ITGB1BP1: variants seen among roughly 807,000 people sequenced by gnomAD.
ITGB1BP1 encodes the protein integrin subunit beta 1 binding protein 1, also known as integrin beta-1-binding protein 1.
Under a neutral mutation model 28.0 loss-of-function variants are expected in ITGB1BP1, and 20 were observed. That is an observed-to-expected ratio of 0.71 (90% CI 0.50 to 1.04). The LOEUF (loss-of-function observed/expected upper bound fraction) is 1.04, where lower values mean the gene tolerates loss of function less well. Ranked by LOEUF, ITGB1BP1 falls within the 50% of genes least tolerant of loss-of-function variation. ITGB1BP1 has a pLI of 0.00. For missense variants in ITGB1BP1, 228 were observed against 242.5 expected (o/e 0.94, Z 0.40); for synonymous variants, 103 against 89.5 (o/e 1.15, Z -0.85).
rs1679037770 is a variant in ITGB1BP1 at position 9,415,675 on chromosome 2, T to C, written c.73-1419A>G. Among the ~76,000 whole-genome samples the C allele has an allele frequency of 6.6e-6, 1 of 152,188 alleles. No homozygotes were observed. Among genetic ancestry groups the C allele is most frequent in the East Asian group, 1.9e-4 (1 of 5,200 alleles). ...GCTGAGGAAGTGGCAGTAGGGAGGT[T>C]CTGTGTTGAGCAGCTCCAGGAGTTC... On this transcript the variant is annotated intron_variant, in intron 2 of 6. Coordinates refer to ENST00000355346, the MANE Select transcript of ITGB1BP1 (RefSeq NM_004763.5). This position sits in a 1 kb window ranked among gnomAD's most constrained non-coding sequence, Gnocchi z 4.1.
In ITGB1BP1 at chr2:9,414,732, T is replaced by C. The variant is rs1464997688; in HGVS notation, c.73-476A>G. On this transcript the variant is annotated intron_variant, in intron 2 of 6. Transcript: ENST00000355346. ...GGTCACATCTAGTAAATGGCTCCAA[T>C]CTCAAACCTAGGTCTCTAATTCTAG... is the stretch of plus-strand genomic sequence containing the variant. Among the ~76,000 whole-genome samples, 4 of 152,288 alleles carry C rather than the reference T, an allele frequency of 2.6e-5. No homozygotes were observed. The East Asian group carries it at 7.7e-4, about 29-fold the overall frequency.
intron 4 of ITGB1BP1, among the ~76,000 whole-genome samples, chr2:9,408,634 G>C (rs1464433515): frequency 3.9e-5 from 6 of 151,970 alleles, no homozygotes; most frequent in Non-Finnish European, 7.4e-5. Context: ...GCCACCATGT[G>C]GGCCAATTTA....
At chr2:9,408,943 T>C (rs1446439950) in intron 4 of ITGB1BP1, among the ~76,000 whole-genome samples, 1 of 152,242 alleles carries the variant, frequency 6.6e-6, no homozygotes. Flanking sequence ...TTCCACAGCA[T>C]AGACCAGTGT....
rs1677301193 is a variant in ITGB1BP1 at position 9,406,113 on chromosome 2, TCTCGTCTTCCTCAGGCCTTCA to T, written c.*700_*720del. ...TGTCACTGAGTGGACCTCTGTGACA[TCTCGTCTTCCTCAGGCCTTCA>T]GTGTGTGTTTGTCACTGAGTGGACC... On this transcript the variant is annotated 3_prime_UTR_variant, in exon 7 of 7. Coordinates refer to ENST00000355346, the MANE Select transcript of ITGB1BP1 (RefSeq NM_004763.5). 1.9e-4 allele frequency: 13 copies of T among 69,772 alleles called. No homozygotes were observed. The highest frequency in any genetic ancestry group is 6.9e-4 in the African/African-American group (11 of 15,862). 4.3% of individuals were successfully genotyped at this position (69,772 alleles called of 1,614,324 possible).
At position 9,406,566 on chromosome 2, in the gene ITGB1BP1, G is replaced by A. The variant is rs4074976; in HGVS notation, c.*268C>T. 23 of 398,222 alleles carry A rather than the reference G, an allele frequency of 5.8e-5. No homozygotes were observed. The East Asian group carries it at 9.9e-4, about 17-fold the overall frequency. 24.7% of individuals were successfully genotyped at this position (398,222 alleles called of 1,614,324 possible). ...CTGAGTGGACCTCTGTGACACCTAG[G>A]CTTCTGTGACACTTAGGTTAAGCTT... On this transcript the variant is annotated 3_prime_UTR_variant, in exon 7 of 7. Coordinates refer to ENST00000355346, the MANE Select transcript of ITGB1BP1 (RefSeq NM_004763.5).
chr2:9,407,365 G>T, intron 6 of ITGB1BP1, 84 bp downstream of exon 6: 1 of 1,441,328 alleles, frequency 6.9e-7, no homozygotes, highest in Non-Finnish European at 9.7e-7. Flanking sequence ...ATAATGGATT[G>T]TATTTCTTCA....
intron 4 of ITGB1BP1, 185 bp from the exon 5 acceptor site, chr2:9,408,390 G>T: frequency 1.8e-6 from 1 of 563,594 alleles, no homozygotes; most frequent in Non-Finnish European, 3.2e-6. Context: ...TTTACAAAAA[G>T]GTTATTTTTA....
In ITGB1BP1 at chr2:9,407,429, C is replaced by G. The variant is rs542886635; in HGVS notation, c.531+20G>C. 2 of 1,614,052 alleles carry G rather than the reference C, an allele frequency of 1.2e-6. 1 individual carries two copies. Among genetic ancestry groups the G allele is most frequent in the South Asian group, 2.2e-5 (2 of 91,064 alleles). ...TGCGACTTGATGGGCAAGCAGCTAA[C>G]CAAAGTAACGAAGTCTCACCAGGCT... On this transcript the variant is annotated intron_variant, in intron 6 of 6. Transcript: ENST00000355346.
rs994933799 is a variant in ITGB1BP1, at chr2:9,415,247, C to T, written c.73-991G>A. ...TACAAAAATTAGCTGGGCATGGTGGCGGGCACTTATAATCCTAGCTACTCG... is the reference window on the plus strand; with the variant it reads ...TACAAAAATTAGCTGGGCATGGTGGTGGGCACTTATAATCCTAGCTACTCG... On this transcript the variant is annotated intron_variant, in intron 2 of 6. Coordinates refer to ENST00000355346, the MANE Select transcript of ITGB1BP1 (RefSeq NM_004763.5). This position sits in a 1 kb window ranked among gnomAD's most constrained non-coding sequence, Gnocchi z 4.1. 2.0e-5 allele frequency among the ~76,000 whole-genome samples: 3 copies of T among 152,160 alleles called. No individual in the cohort carries two copies. The highest frequency in any genetic ancestry group is 6.5e-5 in the Admixed American group (1 of 15,278).
rs1017269286 is a variant in ITGB1BP1 at position 9,404,881 on chromosome 2, T to G, written c.*1953A>C. The G allele has an allele frequency of 2.6e-5, 4 of 152,528 alleles. No homozygotes were observed. The highest frequency in any genetic ancestry group is 5.9e-5 in the Non-Finnish European group (4 of 68,022). 9.4% of individuals were successfully genotyped at this position (152,528 alleles called of 1,614,324 possible). A position where few individuals can be genotyped will look rare whatever the true frequency, so the allele number is the denominator to read the frequency against. On this transcript the variant is annotated 3_prime_UTR_variant, in exon 7 of 7. Coordinates refer to ENST00000355346, the MANE Select transcript of ITGB1BP1 (RefSeq NM_004763.5). ...AATGTGTTATATCTGTAGTTTTTTG[T>G]TTTTGTTTTTTTTTAAAGCACTACA...
At chr2:9,411,758 G>A (rs1339118552) in intron 4 of ITGB1BP1, among the ~76,000 whole-genome samples, 3 of 149,114 alleles carry the variant, frequency 2.0e-5, no homozygotes, top group Admixed American at 6.7e-5. Flanking sequence ...AAAAAGTACT[G>A]TGGGCCGGCC....
rs570314492 is a variant in ITGB1BP1 at position 9,404,320 on chromosome 2, T to C, written c.*2514A>G. 1 of 152,356 alleles carries C rather than the reference T, an allele frequency of 6.6e-6. No individual in the cohort carries two copies. The highest frequency in any genetic ancestry group is 1.9e-4 in the East Asian group (1 of 5,188). The allele number at this position is 152,356 out of a possible 1,614,324, so 9.4% of individuals were successfully genotyped here. A position where few individuals can be genotyped will look rare whatever the true frequency, so the allele number is the denominator to read the frequency against. On this transcript the variant is annotated 3_prime_UTR_variant, in exon 7 of 7. Coordinates refer to ENST00000355346, the MANE Select transcript of ITGB1BP1 (RefSeq NM_004763.5). ...GAATGGTAGTCACACTGTCTTGAAA[T>C]TGAATCTGTCCATCTGTTTATAATC...
chr2:9,410,337 T>C (rs1353917451), intron 4 of ITGB1BP1, among the ~76,000 whole-genome samples: 2 of 151,864 alleles, frequency 1.3e-5, no homozygotes, highest in East Asian at 3.9e-4. Flanking sequence ...GCTCAAGGAA[T>C]CCCCCTGCCT....
Position 9,404,600 on chromosome 2 carries a change from C to T in ITGB1BP1, c.*2234G>A, listed in dbSNP as rs772557752. 2.6e-5 allele frequency: 4 copies of T among 152,506 alleles called. No individual in the cohort carries two copies. The highest frequency in any genetic ancestry group is 5.9e-5 in the Non-Finnish European group (4 of 68,032). The allele number at this position is 152,506 out of a possible 1,614,324, so 9.4% of individuals were successfully genotyped here. A position where few individuals can be genotyped will look rare whatever the true frequency, so the allele number is the denominator to read the frequency against. ...AGAATAAATAGGCATATGATACCCA[C>T]TTGGACTTTTAACAAAAGTAAAGGA... On this transcript the variant is annotated 3_prime_UTR_variant, in exon 7 of 7. Coordinates refer to ENST00000355346, the MANE Select transcript of ITGB1BP1 (RefSeq NM_004763.5).
chr2:9,412,501 G>GTGGTT, intron 3 of ITGB1BP1, 96 bp from the exon 4 acceptor site: 1 of 990,316 alleles, frequency 1.0e-6, no homozygotes, highest in Non-Finnish European at 1.5e-6. Context: ...ACTGTCATTA[G>GTGGTT]AACATAACCA....
rs1452336329 is a variant in ITGB1BP1 at position 9,407,452 on chromosome 2, G to C, written c.528C>G (p.Ser176Arg). 1 of 1,614,028 alleles carries C rather than the reference G, an allele frequency of 6.2e-7. No homozygotes were observed. The highest frequency in any genetic ancestry group is 8.5e-7 in the Non-Finnish European group (1 of 1,180,028). ...EYSLWVYQCN[S>R]LEQAQAICKV... ...AACCAAAGTAACGAAGTCTCACCAG[G>C]CTGTTGCACTGATAAACCCACAGGC... The change falls in exon 6 of 7, where the codon AGC (serine) becomes AGG (arginine). Residue 176 changes from serine to arginine, a missense_variant. Coordinates refer to ENST00000355346, the MANE Select transcript of ITGB1BP1 (RefSeq NM_004763.5).
chr2:9,407,465 T>C lies in ITGB1BP1; in HGVS notation c.515A>G (p.Tyr172Cys), dbSNP rs1263003102. 1.2e-6 allele frequency: 2 copies of C among 1,614,202 alleles called. No homozygotes were observed. ...AAGTCTCACCAGGCTGTTGCACTGA[T>C]AAACCCACAGGCTGTATTCCTCATT... Reference protein sequence around the residue: ...ASNEEYSLWVYQCNSLEQAQA... With the variant: ...ASNEEYSLWVCQCNSLEQAQA... The change falls in exon 6 of 7, where the codon TAT becomes TGT. Residue 172 changes from tyrosine to cysteine, a missense_variant. By Grantham distance (194) the Tyr-to-Cys change is radical. Around this residue, in one of 2 missense-constraint regions of ITGB1BP1, gnomAD observed 192 missense variants for 181.6 expected, o/e 1.06. Transcript: ENST00000355346.
intron 1 of ITGB1BP1, chr2:9,422,345 TC>T: frequency 1.1e-6 from 1 of 948,578 alleles, no homozygotes; most frequent in South Asian, 4.9e-5. Flanking sequence ...ACTTCCATCC[TC>T]CACAACCCGG....
chr2:9,418,349 T>TA (rs1679396910), intron 2 of ITGB1BP1, among the ~76,000 whole-genome samples: 1 of 152,244 alleles, frequency 6.6e-6, no homozygotes, highest in Non-Finnish European at 1.5e-5. Context: ...TTCTATCATT[T>TA]AAAAATTTTT....
Sources: allele counts gnomAD v4.1 joint callset (sites outside exome capture counted in the v4.1 genomes callset), GRCh38; gene constraint gnomAD v4.1.1; regional missense constraint gnomAD v4.1.1; non-coding constraint Gnocchi (gnomAD v3.1); transcripts MANE v1.5; gene names NCBI Gene and HGNC (gene_info 2026-07-23, HGNC 2026-07-21).